The following SMYD3 variants were observed in gnomAD, a reference collection of about 807,000 sequenced individuals.
SMYD3 encodes the protein histone-lysine N-methyltransferase SMYD3.
SMYD3 carries 36 observed loss-of-function variants against 57.7 expected under a neutral mutation model. The ratio of observed to expected loss-of-function variants is 0.62; its 90% confidence interval spans 0.48 to 0.82. The LOEUF is 0.82. Among genes scored for constraint, SMYD3 ranks in the 40% least tolerant of loss-of-function variants. The pLI, the probability that SMYD3 is intolerant of heterozygous loss-of-function variation, is 0.00. For synonymous variants in SMYD3, 211 were observed against 195.0 expected, an observed-to-expected ratio of 1.08 and a Z score of -0.68; for missense variants, 515 against 538.8, an observed-to-expected ratio of 0.96 and a Z score of 0.44.
intron 1 of SMYD3, among the ~76,000 whole-genome samples, chr1:246,471,862 C>T (rs879805589): frequency 1.4e-4 from 21 of 152,066 alleles, no homozygotes; most frequent in Admixed American, 3.9e-4. Context: ...AATTTGGCTC[C>T]TAATCTCAGT....
chr1:246,126,631 C>T (rs1439512236), intron 5 of SMYD3, among the ~76,000 whole-genome samples: 2 of 152,188 alleles, frequency 1.3e-5, no homozygotes, highest in African/African-American at 4.8e-5. Flanking sequence ...ACAGATGTTA[C>T]ATTTATAGGA....
chr1:245,777,229 T>C (rs753737631), intron 10 of SMYD3, among the ~76,000 whole-genome samples: 13 of 152,110 alleles, frequency 8.5e-5, no homozygotes, highest in Non-Finnish European at 1.8e-4. Flanking sequence ...CTAAGGACTT[T>C]GAGTTGAATT....
At chr1:245,904,580 A>G (rs542906528) in intron 8 of SMYD3, among the ~76,000 whole-genome samples, 10 of 152,300 alleles carry the variant, frequency 6.6e-5, no homozygotes, top group Admixed American at 2.0e-4. Flanking sequence ...CCAATCCCAG[A>G]GGTCCGAACT....
At chr1:246,311,832 C>G (rs556637553) in intron 5 of SMYD3, among the ~76,000 whole-genome samples, 1 of 152,306 alleles carries the variant, frequency 6.6e-6, no homozygotes, top group South Asian at 2.1e-4. Flanking sequence ...ACATCTATAT[C>G]TAGAGAAATA....
chr1:245,968,900 C>T (rs908459119), intron 5 of SMYD3, among the ~76,000 whole-genome samples: 5 of 152,104 alleles, frequency 3.3e-5, no homozygotes, highest in East Asian at 3.9e-4. Context: ...AAGATGCCTC[C>T]GTACACTGTT....
chr1:246,003,326 C>T (rs2059112540), intron 5 of SMYD3, among the ~76,000 whole-genome samples: 1 of 152,230 alleles, frequency 6.6e-6, no homozygotes, highest in Non-Finnish European at 1.5e-5. Flanking sequence ...GCTACCACAG[C>T]GCCATCTGGT....
chr1:246,269,070 C>A (rs1332704205), intron 5 of SMYD3, among the ~76,000 whole-genome samples: 1 of 152,094 alleles, frequency 6.6e-6, no homozygotes, highest in African/African-American at 2.4e-5. Context: ...AAATCTCTCC[C>A]TTTTCCATCC....
At chr1:246,137,901 A>T (rs7513426) in intron 5 of SMYD3, among the ~76,000 whole-genome samples, 77,445 of 151,486 alleles carry the variant, frequency 0.51, 23,296 homozygotes, top group Non-Finnish European at 0.69. Context: ...GCACACATTT[A>T]AAAAAAAAGG....
At chr1:246,281,979 G>A (rs1486907630) in intron 5 of SMYD3, among the ~76,000 whole-genome samples, 1 of 152,042 alleles carries the variant, frequency 6.6e-6, no homozygotes, top group African/African-American at 2.4e-5. Context: ...AGAGAGAGGA[G>A]GTAGAATGTC....
At chr1:246,147,218 T>C (rs1028099089) in intron 5 of SMYD3, among the ~76,000 whole-genome samples, 3 of 151,604 alleles carry the variant, frequency 2.0e-5, no homozygotes, top group Non-Finnish European at 4.4e-5. Context: ...GATCTTGCCC[T>C]CTTAATTTCC....
At chr1:245,878,507 T>C (rs1308940792) in intron 8 of SMYD3, among the ~76,000 whole-genome samples, 7 of 152,200 alleles carry the variant, frequency 4.6e-5, no homozygotes, top group Non-Finnish European at 7.3e-5. Flanking sequence ...TAGAGTTGCA[T>C]CTGGAAGTCA....
chr1:246,068,746 A>C lies in SMYD3; in HGVS notation c.532-138809T>G, dbSNP rs577561965. On this transcript the variant is annotated intron_variant, in intron 5 of 11. Coordinates refer to ENST00000490107, the MANE Select transcript of SMYD3 (RefSeq NM_001167740.2). Reference sequence around the variant, plus strand: ...AAAAAATACTACTCTTATTAGTAACAAATCAAAGAACCTCCTTAATATGAA... The same window carrying C: ...AAAAAATACTACTCTTATTAGTAACCAATCAAAGAACCTCCTTAATATGAA... 3.9e-5 allele frequency among the ~76,000 whole-genome samples: 6 copies of C among 152,360 alleles called. No homozygotes were observed. In the South Asian group the frequency reaches 1.2e-3, roughly 32 times the overall value.
chr1:246,219,804 C>T (rs901658162), intron 5 of SMYD3, among the ~76,000 whole-genome samples: 3 of 152,174 alleles, frequency 2.0e-5, no homozygotes, highest in African/African-American at 7.2e-5. Flanking sequence ...AACACTCACC[C>T]AGGCTCCTGC....
intron 5 of SMYD3, among the ~76,000 whole-genome samples, chr1:246,231,408 G>C (rs2063407178): frequency 6.6e-6 from 1 of 152,110 alleles, no homozygotes; most frequent in Non-Finnish European, 1.5e-5. Flanking sequence ...CTATATGGAA[G>C]AGTATAATAC....
At chr1:245,887,649 C>A (rs901401806) in intron 8 of SMYD3, among the ~76,000 whole-genome samples, 1 of 152,166 alleles carries the variant, frequency 6.6e-6, no homozygotes, top group African/African-American at 2.4e-5. Flanking sequence ...TCTTTCTAGA[C>A]TGACCAGGGA....
intron 9 of SMYD3, among the ~76,000 whole-genome samples, chr1:245,860,969 T>A (rs1177869727): frequency 1.3e-5 from 2 of 152,192 alleles, no homozygotes; most frequent in Non-Finnish European, 2.9e-5. Context: ...TCTAAAGAGG[T>A]TCGAGGTGAC....
intron 1 of SMYD3, among the ~76,000 whole-genome samples, chr1:246,492,861 GA>G (rs2068292739): frequency 6.6e-6 from 1 of 152,206 alleles, no homozygotes; most frequent in Non-Finnish European, 1.5e-5. Context: ...GTTTGAACTG[GA>G]AGGGATTTCT....
At chr1:246,004,754 G>A (rs1281730161) in intron 5 of SMYD3, among the ~76,000 whole-genome samples, 2 of 152,214 alleles carry the variant, frequency 1.3e-5, no homozygotes, top group African/African-American at 4.8e-5. Flanking sequence ...CTGGAGAGTT[G>A]TGTTGAGGCA....
At chr1:246,237,448 T>G (rs1424946582) in intron 5 of SMYD3, among the ~76,000 whole-genome samples, 1 of 152,218 alleles carries the variant, frequency 6.6e-6, no homozygotes, top group Admixed American at 6.5e-5. Context: ...TTAGGAGGGC[T>G]GCTGGAAATT....
Sources: allele counts gnomAD v4.1 joint callset (sites outside exome capture counted in the v4.1 genomes callset), GRCh38; gene constraint gnomAD v4.1.1; transcripts MANE v1.5; gene names NCBI Gene and HGNC (gene_info 2026-07-23, HGNC 2026-07-21).